BANK1: variants seen among roughly 807,000 people sequenced by gnomAD.
BANK1 encodes B cell scaffold protein with ankyrin repeats 1.
A neutral mutation model predicts 94.5 loss-of-function variants in BANK1; 95 were observed. The observed-to-expected ratio is 1.00, with a 90% CI of 0.85 to 1.19. BANK1 has a LOEUF of 1.19. Ranked by LOEUF, BANK1 falls within the 50% of genes most tolerant of loss-of-function variation. The pLI is 0.00. For missense variants in BANK1, 987 were observed against 932.2 expected, an observed-to-expected ratio of 1.06 and a Z score of -0.77; for synonymous variants, 334 against 308.4, an observed-to-expected ratio of 1.08 and a Z score of -0.87.
At chr4:101,992,104 T>C (rs1725729003) in intron 7 of BANK1, among the ~76,000 whole-genome samples, 1 of 152,170 alleles carries the variant, frequency 6.6e-6, no homozygotes, top group African/African-American at 2.4e-5. Flanking sequence ...TTAAAATTAT[T>C]TGGCTAGTAG....
chr4:101,950,060 T>TGCGCGC (rs1553935108), intron 7 of BANK1, among the ~76,000 whole-genome samples: 36 of 139,404 alleles, frequency 2.6e-4, no homozygotes, highest in African/African-American at 1.1e-3. Context: ...TGTGTGTGTG[T>TGCGCGC]GCGCGTGCGC....
chr4:101,834,516 A>T (rs1382782961), intron 2 of BANK1, among the ~76,000 whole-genome samples: 3 of 152,320 alleles, frequency 2.0e-5, no homozygotes, highest in South Asian at 4.1e-4. Flanking sequence ...CCTTTGAAGA[A>T]ATTGGTTCTA....
At position 102,074,422 on chromosome 4, in the gene BANK1, T is replaced by C. The variant is rs915641541; in HGVS notation, c.*423T>C. The C allele has an allele frequency of 3.9e-5, 6 of 152,170 alleles. No homozygotes were observed. Among genetic ancestry groups the C allele is most frequent in the South Asian group, 4.1e-4 (2 of 4,828 alleles). 9.4% of individuals were successfully genotyped at this position (152,170 alleles called of 1,614,324 possible). On this transcript the variant is annotated 3_prime_UTR_variant, in exon 17 of 17. Transcript: ENST00000322953. ...GAAAATACAAATTTACTTAGCACAT[T>C]TTTGCTTTTTAAGTAGCTGGTTCAT... is the stretch of plus-strand genomic sequence containing the variant.
chr4:101,799,468 T>C lies in BANK1; in HGVS notation c.70+8518T>C, dbSNP rs1280156950. Reference sequence around the variant, plus strand: ...AGGCTCTGGGTATATACCCAAAGGATTATAAATCATGCTGCTATAAAGACA... The same window carrying C: ...AGGCTCTGGGTATATACCCAAAGGACTATAAATCATGCTGCTATAAAGACA... On this transcript the variant is annotated intron_variant, in intron 1 of 16. Coordinates refer to ENST00000322953, the MANE Select transcript of BANK1 (RefSeq NM_017935.5). Among the ~76,000 whole-genome samples, 4 of 152,198 alleles carry C rather than the reference T, an allele frequency of 2.6e-5. No individual in the cohort carries two copies. In the East Asian group the frequency reaches 7.7e-4, roughly 29 times the overall value.
In BANK1 at chr4:101,947,763, A is replaced by G. The variant is rs552580163; in HGVS notation, c.1206+29574A>G. 3.3e-5 allele frequency among the ~76,000 whole-genome samples: 5 copies of G among 152,104 alleles called. No individual in the cohort carries two copies. In the South Asian group the frequency reaches 1.0e-3, roughly 32 times the overall value. On this transcript the variant is annotated intron_variant, in intron 7 of 16. Transcript: ENST00000322953. ...CTCCAAATTATTTTCTTTTACCCCT[A>G]CCAACTGAAATTGTAAGAATTTCAA...
chr4:101,994,318 TC>T (rs780228254), intron 7 of BANK1, among the ~76,000 whole-genome samples: 26 of 152,294 alleles, frequency 1.7e-4, no homozygotes, highest in Non-Finnish European at 3.7e-4. Flanking sequence ...CTTATTGTAT[TC>T]ACAGACTATT....
chr4:102,015,629 G>T (rs910552827), intron 7 of BANK1, among the ~76,000 whole-genome samples: 1 of 152,130 alleles, frequency 6.6e-6, no homozygotes, highest in African/African-American at 2.4e-5. Flanking sequence ...AAAGACGGTT[G>T]TAAACAATAG....
intron 2 of BANK1, among the ~76,000 whole-genome samples, chr4:101,850,473 G>A (rs1727432980): frequency 6.6e-6 from 1 of 151,772 alleles, no homozygotes; most frequent in Non-Finnish European, 1.5e-5. Context: ...GGTAGGGACG[G>A]GGTTTCACCA....
intron 1 of BANK1, among the ~76,000 whole-genome samples, chr4:101,807,885 A>G (rs1469391501): frequency 4.6e-5 from 7 of 152,020 alleles, no homozygotes; most frequent in Non-Finnish European, 8.8e-5. Flanking sequence ...GTTCAAGACC[A>G]GCCTGGCCAA....
intron 5 of BANK1, among the ~76,000 whole-genome samples, chr4:101,885,140 C>G (rs577639928): frequency 6.6e-6 from 1 of 152,206 alleles, no homozygotes; most frequent in African/African-American, 2.4e-5. Flanking sequence ...TAGTCTGGAA[C>G]GCCTGACCTC....
intron 6 of BANK1, among the ~76,000 whole-genome samples, chr4:101,914,619 G>A (rs1333104839): frequency 6.6e-6 from 1 of 152,042 alleles, no homozygotes; most frequent in Admixed American, 6.6e-5. Context: ...GTGAGCTTCT[G>A]GTCACAATGT....
intron 1 of BANK1, among the ~76,000 whole-genome samples, chr4:101,812,023 A>C (rs1180976526): frequency 6.6e-6 from 1 of 152,018 alleles, no homozygotes; most frequent in African/African-American, 2.4e-5. Context: ...CAAAAGTTTA[A>C]GTGATTAGAG....
At chr4:101,988,466 T>C (rs994658063) in intron 7 of BANK1, among the ~76,000 whole-genome samples, 1 of 152,210 alleles carries the variant, frequency 6.6e-6, no homozygotes, top group Non-Finnish European at 1.5e-5. Context: ...GTGAATGTTT[T>C]GTTCACTCTT....
chr4:101,894,440 A>G (rs1472406768), intron 5 of BANK1, among the ~76,000 whole-genome samples: 5 of 146,740 alleles, frequency 3.4e-5, no homozygotes, highest in Admixed American at 1.4e-4. Context: ...ATTCTGAAAA[A>G]TTAAGAAATA....
chr4:101,874,875 T>A (rs1728430212), intron 5 of BANK1, among the ~76,000 whole-genome samples: 1 of 152,196 alleles, frequency 6.6e-6, no homozygotes. Context: ...TATTTGTTGC[T>A]TAAAAAGTGG....
chr4:101,916,825 G>A (rs1044405577), intron 6 of BANK1, among the ~76,000 whole-genome samples: 1 of 151,816 alleles, frequency 6.6e-6, no homozygotes, highest in Admixed American at 6.6e-5. Context: ...GCCACACCTT[G>A]GTTTGAATTA....
chr4:102,074,608 T>G lies in BANK1; in HGVS notation c.*609T>G, dbSNP rs1728863367. 1 of 152,088 alleles carries G rather than the reference T, an allele frequency of 6.6e-6. No homozygotes were observed. Among genetic ancestry groups the G allele is most frequent in the Non-Finnish European group, 1.5e-5 (1 of 67,918 alleles). 9.4% of individuals were successfully genotyped at this position (152,088 alleles called of 1,614,324 possible). On this transcript the variant is annotated 3_prime_UTR_variant, in exon 17 of 17. Transcript: ENST00000322953. ...AATATACATTTTCATAACCTACCTT[T>G]GTATTAAGACTTGCAATTTTATCAA...
At chr4:101,936,329 A>G (rs937781191) in intron 7 of BANK1, among the ~76,000 whole-genome samples, 5 of 150,380 alleles carry the variant, frequency 3.3e-5, no homozygotes, top group Non-Finnish European at 1.5e-5. Context: ...ATGTATCCAT[A>G]CATATATATG....
chr4:101,811,819 C>T (rs1166779149), intron 1 of BANK1, among the ~76,000 whole-genome samples: 1 of 152,002 alleles, frequency 6.6e-6, no homozygotes, highest in Non-Finnish European at 1.5e-5. Flanking sequence ...AAGAAGATTC[C>T]TTCACCACAG....
Sources: gnomAD v4.1 joint callset for allele counts (sites outside exome capture counted in the v4.1 genomes callset) on GRCh38, gnomAD v4.1.1 for gene constraint, MANE v1.5 for transcripts, NCBI Gene and HGNC (gene_info 2026-07-23, HGNC 2026-07-21) for gene names.